The following SPAG16 variants were observed in gnomAD, a reference collection of about 807,000 sequenced individuals.
The protein encoded by SPAG16 is sperm-associated antigen 16 protein.
Under a neutral mutation model 80.4 loss-of-function variants are expected in SPAG16, and 86 were observed. The observed-to-expected ratio is 1.07, with a 90% CI of 0.90 to 1.28. The LOEUF is 1.28. SPAG16 is among the 50% of genes most tolerant of loss of function. SPAG16 has a pLI of 0.00. For missense variants in SPAG16, 870 were observed against 765.3 expected (o/e 1.14, Z -1.61); for synonymous variants, 294 against 265.9 (o/e 1.11, Z -1.03).
chr2:213,430,379 G>T (rs1474918116), intron 9 of SPAG16, among the ~76,000 whole-genome samples: 1 of 152,176 alleles, frequency 6.6e-6, no homozygotes, highest in African/African-American at 2.4e-5. Flanking sequence ...CTAACCTGTG[G>T]CCCATGGGCT....
At chr2:213,288,532 C>T (rs1024030382) in intron 1 of SPAG16, among the ~76,000 whole-genome samples, 5 of 150,068 alleles carry the variant, frequency 3.3e-5, no homozygotes, top group Non-Finnish European at 5.9e-5. Context: ...AGGATGGTCT[C>T]GATCTCCTGA....
At chr2:214,372,641 G>A (rs1699894542) in intron 15 of SPAG16, among the ~76,000 whole-genome samples, 1 of 152,210 alleles carries the variant, frequency 6.6e-6, no homozygotes, top group Admixed American at 6.5e-5. Context: ...GGATTACATG[G>A]ATTTCAGAGA....
At chr2:214,109,594 A>G (rs2053564600) in intron 14 of SPAG16, among the ~76,000 whole-genome samples, 1 of 152,198 alleles carries the variant, frequency 6.6e-6, no homozygotes, top group African/African-American at 2.4e-5. Context: ...TAAAAATTAT[A>G]TCTACTAAGG....
intron 10 of SPAG16, among the ~76,000 whole-genome samples, chr2:213,780,015 C>T (rs924073357): frequency 5.9e-5 from 9 of 152,156 alleles, no homozygotes; most frequent in African/African-American, 2.2e-4. Flanking sequence ...AGCTACTAGG[C>T]ATGCTGACTC....
intron 10 of SPAG16, among the ~76,000 whole-genome samples, chr2:213,682,206 A>G (rs546838403): frequency 7.3e-4 from 111 of 152,218 alleles, no homozygotes; most frequent in Non-Finnish European, 1.0e-3. Context: ...AACTTTAGGG[A>G]ATTTTACACC....
intron 11 of SPAG16, among the ~76,000 whole-genome samples, chr2:213,899,486 A>G (rs1042542428): frequency 6.6e-6 from 1 of 152,156 alleles, no homozygotes; most frequent in African/African-American, 2.4e-5. Context: ...AGAAAAAATT[A>G]AAATGAGAGA....
chr2:214,237,547 C>A (rs1374816239), intron 15 of SPAG16, among the ~76,000 whole-genome samples: 1 of 151,796 alleles, frequency 6.6e-6, no homozygotes, highest in Non-Finnish European at 1.5e-5. Context: ...TATAGTCCTC[C>A]CAGAAAAAAG....
intron 9 of SPAG16, among the ~76,000 whole-genome samples, chr2:213,427,665 G>T (rs764573059): frequency 6.6e-5 from 10 of 152,138 alleles, no homozygotes; most frequent in Non-Finnish European, 1.2e-4. Flanking sequence ...CAGAGAAAAT[G>T]ATCTTTATCT....
intron 9 of SPAG16, among the ~76,000 whole-genome samples, chr2:213,407,744 A>G (rs2068715851): frequency 6.7e-6 from 1 of 148,904 alleles, no homozygotes; most frequent in African/African-American, 2.5e-5. Context: ...GAGACAGGAG[A>G]GAGGCAGAGA....
chr2:214,367,010 T>C (rs1260902971), intron 15 of SPAG16, among the ~76,000 whole-genome samples: 1 of 152,132 alleles, frequency 6.6e-6, no homozygotes, highest in African/African-American at 2.4e-5. Context: ...CTACTATTGC[T>C]CTTGGCCTCT....
chr2:213,400,485 G>A, intron 9 of SPAG16, among the ~76,000 whole-genome samples: 1 of 152,130 alleles, frequency 6.6e-6, no homozygotes, highest in East Asian at 1.9e-4. Flanking sequence ...TGTATTTGTA[G>A]TTGAAATAAA....
At chr2:213,349,939 A>C (rs1470727382) in intron 6 of SPAG16, among the ~76,000 whole-genome samples, 1 of 152,204 alleles carries the variant, frequency 6.6e-6, no homozygotes, top group African/African-American at 2.4e-5. Context: ...TAAGAGCTGT[A>C]TGTTTTATCC....
chr2:213,983,648 A>T (rs978118475), intron 12 of SPAG16, among the ~76,000 whole-genome samples: 1 of 152,022 alleles, frequency 6.6e-6, no homozygotes, highest in Non-Finnish European at 1.5e-5. Flanking sequence ...GAGTTTTTGT[A>T]TCAATAATTT....
At chr2:213,627,978 A>C (rs1255318226) in intron 10 of SPAG16, among the ~76,000 whole-genome samples, 1 of 152,214 alleles carries the variant, frequency 6.6e-6, no homozygotes, top group Non-Finnish European at 1.5e-5. Flanking sequence ...GTCACTATTG[A>C]AAACCTATCA....
chr2:214,302,682 C>A (rs1018758048), intron 15 of SPAG16, among the ~76,000 whole-genome samples: 1 of 152,032 alleles, frequency 6.6e-6, no homozygotes, highest in Admixed American at 6.6e-5. Context: ...GGGGTTTTGC[C>A]ATGTTGGCCA....
At chr2:214,194,863 G>A (rs2057778646) in intron 15 of SPAG16, among the ~76,000 whole-genome samples, 1 of 152,030 alleles carries the variant, frequency 6.6e-6, no homozygotes, top group Non-Finnish European at 1.5e-5. Flanking sequence ...ACTGGAATAT[G>A]TAACCATATC....
At chr2:213,915,371 CA>C (rs2077906456) in intron 11 of SPAG16, among the ~76,000 whole-genome samples, 1 of 151,676 alleles carries the variant, frequency 6.6e-6, no homozygotes, top group Non-Finnish European at 1.5e-5. Context: ...TGAGTGAGAA[CA>C]TGCGGTGTTT....
At chr2:213,928,904 T>TACACACACACAC (rs71063798) in intron 11 of SPAG16, among the ~76,000 whole-genome samples, 21 of 143,080 alleles carry the variant, frequency 1.5e-4, no homozygotes, top group African/African-American at 5.0e-4. Flanking sequence ...CAGCTGATGT[T>TACACACACACAC]ACACACACAC....
chr2:213,394,405 C>T (rs1217735795), intron 9 of SPAG16, among the ~76,000 whole-genome samples: 5 of 152,134 alleles, frequency 3.3e-5, no homozygotes, highest in Non-Finnish European at 7.4e-5. Context: ...GATTCACATA[C>T]ATATGTAAGA....
Sources: allele counts gnomAD v4.1 joint callset (sites outside exome capture counted in the v4.1 genomes callset), GRCh38; gene constraint gnomAD v4.1.1; transcripts MANE v1.5; gene names NCBI Gene and HGNC (gene_info 2026-07-23, HGNC 2026-07-21).